Variants in PCDHGB5 observed in about 807,000 individuals in gnomAD.
PCDHGB5 encodes protocadherin gamma-B5.
In PCDHGB5, 48 loss-of-function variants were observed where a neutral mutation model predicts 62.9. The ratio of observed to expected loss-of-function variants is 0.76; its 90% CI spans 0.61 to 0.97. The LOEUF (loss-of-function observed/expected upper bound fraction) is 0.97, where lower values mean the gene tolerates loss of function less well. PCDHGB5 is among the 50% of genes least tolerant of loss of function. The pLI is 0.00. For missense variants in PCDHGB5, 1,118 were observed against 1,198.6 expected (o/e 0.93, Z 0.99); for synonymous variants, 474 against 511.2 (o/e 0.93, Z 0.98).
intron 1 of PCDHGB5, among the ~76,000 whole-genome samples, chr5:141,455,489 A>T (rs925133619): frequency 3.9e-5 from 6 of 152,152 alleles, no homozygotes; most frequent in African/African-American, 4.8e-5. Context: ...GGTGGAGGTG[A>T]TGTCTGATTT....
At chr5:141,420,259 G>A (rs775335307) in intron 1 of PCDHGB5, 8 of 1,564,678 alleles carry the variant, frequency 5.1e-6, no homozygotes, top group Non-Finnish European at 6.9e-6. Context: ...AAGCAGATAA[G>A]AAGATTCTTA....
At chr5:141,506,188 C>T (rs925159785) in intron 3 of PCDHGB5, among the ~76,000 whole-genome samples, 2 of 152,058 alleles carry the variant, frequency 1.3e-5, no homozygotes, top group African/African-American at 4.8e-5. Flanking sequence ...TGGTGGCTCA[C>T]GCCTGTAATC....
intron 1 of PCDHGB5, chr5:141,405,445 A>G: frequency 7.3e-7 from 1 of 1,360,898 alleles, no homozygotes; most frequent in Non-Finnish European, 1.0e-6. Context: ...TTTGAGACAG[A>G]GTCTTACTCT....
At chr5:141,508,718 G>T (rs2099871076) in intron 3 of PCDHGB5, among the ~76,000 whole-genome samples, 1 of 151,852 alleles carries the variant, frequency 6.6e-6, no homozygotes, top group Non-Finnish European at 1.5e-5. Flanking sequence ...TTTTCTGTGT[G>T]CAGGGAGACT....
chr5:141,422,874 G>C (rs763219526), intron 1 of PCDHGB5: 56 of 1,614,134 alleles, frequency 3.5e-5, no homozygotes, highest in Non-Finnish European at 1.0e-5. Flanking sequence ...ACGTGTCGCT[G>C]AGCCTGTTCG....
chr5:141,502,450 C>T (rs184669731), intron 2 of PCDHGB5, among the ~76,000 whole-genome samples: 3 of 152,010 alleles, frequency 2.0e-5, no homozygotes, highest in Admixed American at 1.3e-4. Context: ...AGATTACACA[C>T]CTTGGTAGGA....
intron 1 of PCDHGB5, chr5:141,403,303 C>T (rs1561687273): frequency 1.9e-6 from 3 of 1,613,820 alleles, no homozygotes; most frequent in South Asian, 2.2e-5. Flanking sequence ...TGAAACTGTA[C>T]GGAATAGAAA....
rs3805699 is a variant in PCDHGB5 at position 141,435,743 on chromosome 5, G to A, written c.2397+35219G>A. Among the ~76,000 whole-genome samples the A allele has an allele frequency of 9.2e-5, 14 of 152,198 alleles. No homozygotes were observed. The East Asian group carries it at 2.1e-3, about 23-fold the overall frequency. ...GCTAAAGTGTATTACTCTTTGAAAA[G>A]CATTGCTTGATTTCTTTTGGTGAAT... is the stretch of plus-strand genomic sequence containing the variant. On this transcript the variant is annotated intron_variant, in intron 1 of 3. Coordinates refer to ENST00000617380, the MANE Select transcript of PCDHGB5 (RefSeq NM_018925.3).
intron 1 of PCDHGB5, among the ~76,000 whole-genome samples, chr5:141,483,889 CT>C (rs1298469461): frequency 6.6e-6 from 1 of 151,866 alleles, no homozygotes; most frequent in Admixed American, 6.6e-5. Flanking sequence ...TTCTATTTCT[CT>C]GAGCTCTGGT....
rs1561745511 is a variant in PCDHGB5 at position 141,413,844 on chromosome 5, C to T, written c.2397+13320C>T. The stretch of plus-strand genomic sequence containing the variant: ...TCCTCACCGCCTCCGACGGGGGTGA[C>T]CCTCTCCGATCTGGCACTGTCCTTG... On this transcript the variant is annotated intron_variant, in intron 1 of 3. Transcript: ENST00000617380. The T allele has an allele frequency of 5.6e-6, 9 of 1,613,254 alleles. No homozygotes were observed. The East Asian group carries it at 6.7e-5, about 12-fold the overall frequency.
rs1183309479 is a variant in PCDHGB5 at position 141,404,628 on chromosome 5, C to G, written c.2397+4104C>G. 1.9e-6 allele frequency: 3 copies of G among 1,614,100 alleles called. No homozygotes were observed. In the South Asian group the frequency reaches 3.3e-5, roughly 18 times the overall value. Reference sequence around the variant, plus strand: ...TTTGTTTTGGACCAGAATGACAATGCCCCAGAAATCCTGTACCCTGCCCTC... The same window carrying G: ...TTTGTTTTGGACCAGAATGACAATGGCCCAGAAATCCTGTACCCTGCCCTC... On this transcript the variant is annotated intron_variant, in intron 1 of 3. Transcript: ENST00000617380.
Position 141,489,195 on chromosome 5 carries a change from A to G in PCDHGB5, c.2398-5612A>G, listed in dbSNP as rs200660227. ...ATTCCAAGCCCTGGGTCTACCTTGG[A>G]GACAGGACAGCACAGACTTACTCTC... is the stretch of plus-strand genomic sequence containing the variant. On this transcript the variant is annotated intron_variant, in intron 1 of 3. Transcript: ENST00000617380. This position sits in a 1 kb window ranked among gnomAD's most constrained non-coding sequence, Gnocchi z 4.5. 1.8e-5 allele frequency: 25 copies of G among 1,383,116 alleles called. No individual in the cohort carries two copies. The East Asian group carries it at 4.8e-4, about 27-fold the overall frequency. 85.7% of individuals were successfully genotyped at this position (1,383,116 alleles called of 1,614,324 possible). A position where few individuals can be genotyped will look rare whatever the true frequency, so the allele number is the denominator to read the frequency against.
In PCDHGB5 at chr5:141,430,200, T is replaced by G. The variant is rs182960813; in HGVS notation, c.2397+29676T>G. Among the ~76,000 whole-genome samples the G allele has an allele frequency of 8.2e-4, 124 of 152,052 alleles. 2 individuals are homozygous for G. Among genetic ancestry groups the G allele is most frequent in the African/African-American group, 2.9e-3 (119 of 41,468 alleles). ...CCCAAATTATAGCTGAATCAGAAAG[T>G]TTAAATTATTATATTATATGATTTG... On this transcript the variant is annotated intron_variant, in intron 1 of 3. Transcript: ENST00000617380.
Position 141,399,561 on chromosome 5 carries a change from GT to G in PCDHGB5, c.1436del (p.Leu479Ter). Reference protein sequence around the residue: ...QVCASDLDLGLNGQVSYSIMA... With the variant: ...QVCASDLDLGXNGQVSYSIMA... ...TCTGCGCCTCGGACCTGGACTTGGG[GT>G]TGAACGGCCAAGTCTCCTACTCTAT... On this transcript the variant is annotated frameshift_variant, in exon 1 of 4. Coordinates refer to ENST00000617380, the MANE Select transcript of PCDHGB5 (RefSeq NM_018925.3). LOFTEE classifies it high-confidence loss of function. 1 of 1,614,042 alleles carries G rather than the reference GT, an allele frequency of 6.2e-7. No homozygotes were observed. Among genetic ancestry groups the G allele is most frequent in the Non-Finnish European group, 8.5e-7 (1 of 1,179,890 alleles).
At chr5:141,480,584 G>A (rs1421730652) in intron 1 of PCDHGB5, among the ~76,000 whole-genome samples, 1 of 134,606 alleles carries the variant, frequency 7.4e-6, no homozygotes, top group Non-Finnish European at 1.6e-5. Context: ...AATAACTGCC[G>A]CTCTTCTGGT....
At position 141,399,332 on chromosome 5, in the gene PCDHGB5, C is replaced by T. The variant is rs2093787388; in HGVS notation, c.1205C>T (p.Thr402Ile). Residue 402 changes from threonine (T) to isoleucine (I), a missense_variant, in exon 1 of 4, where the codon ACA (threonine) becomes ATA (isoleucine). Coordinates refer to ENST00000617380, the MANE Select transcript of PCDHGB5 (RefSeq NM_018925.3). ...SSSKNSYKLVTDGTLDREQTP... is the reference protein window; with the variant it reads ...SSSKNSYKLVIDGTLDREQTP... ...TCCAAAAATTCGTATAAGTTGGTAA[C>T]AGATGGAACCCTAGACCGAGAGCAA... 6.2e-7 allele frequency: 1 copy of T among 1,613,994 alleles called. No individual in the cohort carries two copies. Among genetic ancestry groups the T allele is most frequent in the Non-Finnish European group, 8.5e-7 (1 of 1,179,900 alleles).
intron 1 of PCDHGB5, chr5:141,427,916 G>T: frequency 1.3e-6 from 2 of 1,578,854 alleles, no homozygotes; most frequent in East Asian, 2.2e-5. Flanking sequence ...GCGCCAACAT[G>T]AGCCGGCGCA....
At chr5:141,406,682 ATTC>A (rs1390945950) in intron 1 of PCDHGB5, among the ~76,000 whole-genome samples, 1 of 152,216 alleles carries the variant, frequency 6.6e-6, no homozygotes, top group Non-Finnish European at 1.5e-5. Flanking sequence ...ATAGTAGGAC[ATTC>A]TTCTTTTCTA....
Position 141,431,260 on chromosome 5 carries a change from G to C in PCDHGB5, c.2397+30736G>C, listed in dbSNP as rs762250032. On this transcript the variant is annotated intron_variant, in intron 1 of 3. Coordinates refer to ENST00000617380, the MANE Select transcript of PCDHGB5 (RefSeq NM_018925.3). The surrounding 1 kb of genome is among the most constrained non-coding windows in gnomAD (Gnocchi z 4.8). The stretch of plus-strand genomic sequence containing the variant: ...ATCCGGATATCGGGAAGAACTCTCT[G>C]CAGAGCTACGAGCTCAGCCCGAACA... 6.2e-7 allele frequency: 1 copy of C among 1,614,170 alleles called. No homozygotes were observed. Among genetic ancestry groups the C allele is most frequent in the Non-Finnish European group, 8.5e-7 (1 of 1,180,052 alleles).
Sources: allele counts gnomAD v4.1 joint callset (sites outside exome capture counted in the v4.1 genomes callset), GRCh38; gene constraint gnomAD v4.1.1; non-coding constraint Gnocchi (gnomAD v3.1); transcripts MANE v1.5; gene names NCBI Gene and HGNC (gene_info 2026-07-23, HGNC 2026-07-21).